Variants in SBK1 observed in about 807,000 individuals in gnomAD.
The protein encoded by SBK1 is serine/threonine-protein kinase SBK1.
In SBK1, 11 loss-of-function variants were observed where a neutral mutation model predicts 24.4. The ratio of observed to expected loss-of-function variants is 0.45; its 90% CI spans 0.28 to 0.75. SBK1 has a LOEUF of 0.75. SBK1 is among the 30% of genes least tolerant of loss of function. SBK1 has a pLI of 0.12. For synonymous variants in SBK1, 308 were observed against 284.4 expected, an observed-to-expected ratio of 1.08 and a Z score of -0.83; for missense variants, 467 against 620.5, an observed-to-expected ratio of 0.75 and a Z score of 2.63.
intron 1 of SBK1, among the ~76,000 whole-genome samples, chr16:28,297,775 T>C (rs1190862821): frequency 1.3e-5 from 2 of 152,176 alleles, no homozygotes; most frequent in African/African-American, 4.8e-5. Context: ...TGACTGAGCC[T>C]CCACAGTTAC....
In SBK1 at chr16:28,320,135, C is replaced by G; in HGVS notation, c.489C>G (p.Asp163Glu). Residue 163 changes from aspartate (D) to glutamate (E), a missense_variant, in exon 4 of 4, where the codon GAC becomes GAG. Physicochemically the swap from Asp to Glu is conservative, Grantham distance 45 (BLOSUM62 2). Around this residue, in one of 4 missense-constraint regions of SBK1, gnomAD observed 92 missense variants for 193.8 expected, o/e 0.47. Coordinates refer to ENST00000341901, the MANE Select transcript of SBK1 (RefSeq NM_001024401.3). The surrounding 1 kb of genome is among the most constrained non-coding windows in gnomAD (Gnocchi z 8.5). ...RCVQQLGLAL[D>E]FMHGRQLVHR... ...TGCAGCAGCTGGGCCTGGCGCTGGA[C>G]TTCATGCACGGGCGGCAGCTGGTGC... 1 of 1,580,212 alleles carries G rather than the reference C, an allele frequency of 6.3e-7. No homozygotes were observed. The highest frequency in any genetic ancestry group is 8.6e-7 in the Non-Finnish European group (1 of 1,168,468).
chr16:28,298,864 G>C (rs915318723), intron 1 of SBK1, among the ~76,000 whole-genome samples: 1 of 152,222 alleles, frequency 6.6e-6, no homozygotes, highest in East Asian at 1.9e-4. Flanking sequence ...TTCTGATCTG[G>C]GCCCAGAGAG....
chr16:28,315,426 G>T (rs2044787981), intron 1 of SBK1, among the ~76,000 whole-genome samples: 1 of 152,098 alleles, frequency 6.6e-6, no homozygotes, highest in African/African-American at 2.4e-5. Context: ...ATAAAGAAAT[G>T]AAGGCCACGG....
At chr16:28,287,244 C>T (rs909588089) in intron 1 of SBK1, among the ~76,000 whole-genome samples, 10 of 148,658 alleles carry the variant, frequency 6.7e-5, no homozygotes, top group Non-Finnish European at 1.2e-4. Context: ...AGTTTGAGAC[C>T]AGCCTGACCA....
intron 1 of SBK1, among the ~76,000 whole-genome samples, chr16:28,303,174 A>G (rs2044691071): frequency 6.6e-6 from 1 of 151,952 alleles, no homozygotes; most frequent in Non-Finnish European, 1.5e-5. Context: ...AGATGGGCCA[A>G]AGGGTAAATG....
At position 28,317,288 on chromosome 16, in the gene SBK1, ATCC is replaced by A. The variant is rs1478414968; in HGVS notation, c.-7-94_-7-92del. 4.5e-6 allele frequency: 4 copies of A among 888,750 alleles called. No individual in the cohort carries two copies. The highest frequency in any genetic ancestry group is 1.7e-5 in the African/African-American group (1 of 60,514). The allele number at this position is 888,750 out of a possible 1,614,324, so 55.1% of individuals were successfully genotyped here. A position where few individuals can be genotyped will look rare whatever the true frequency, so the allele number is the denominator to read the frequency against. On this transcript the variant is annotated intron_variant, in intron 1 of 3. Transcript: ENST00000341901. This position sits in a 1 kb window ranked among gnomAD's most constrained non-coding sequence, Gnocchi z 4.2. ...TATCTTGGGCCTGGCATCCGGGCCC[ATCC>A]TCAAGTTTTCTGGGTTCTGGGGAGG...
At chr16:28,260,305 C>A (rs1353827654) in intron 1 of SBK1, among the ~76,000 whole-genome samples, 1 of 152,152 alleles carries the variant, frequency 6.6e-6, no homozygotes, top group Non-Finnish European at 1.5e-5. Context: ...TTAGCCAGCT[C>A]TCCCCACCCC....
At chr16:28,261,840 G>A (rs1040026778) in intron 1 of SBK1, among the ~76,000 whole-genome samples, 16 of 152,294 alleles carry the variant, frequency 1.1e-4, no homozygotes, top group East Asian at 3.9e-4. Context: ...GTTGGCAGCC[G>A]TGAAATCTGC....
chr16:28,301,622 A>G lies in SBK1; in HGVS notation c.-8+8322A>G, dbSNP rs115737333. On this transcript the variant is annotated intron_variant, in intron 1 of 3. Coordinates refer to ENST00000341901, the MANE Select transcript of SBK1 (RefSeq NM_001024401.3). ...GATCCCTACAGTGCCTTCTGCCTCA[A>G]GTGGGTTCAGGGGTGAGATTCAGCA... Among the ~76,000 whole-genome samples the G allele has an allele frequency of 5.0e-3, 767 of 152,264 alleles. 8 individuals are homozygous for G. Among genetic ancestry groups the G allele is most frequent in the African/African-American group, 0.018 (743 of 41,556 alleles).
intron 1 of SBK1, among the ~76,000 whole-genome samples, chr16:28,269,810 G>A (rs557589020): frequency 3.4e-4 from 52 of 151,930 alleles, no homozygotes; most frequent in African/African-American, 1.2e-3. Flanking sequence ...CGGGAGGTGG[G>A]GGTTGCAGTG....
At chr16:28,272,621 T>G (rs1236876514) in intron 1 of SBK1, among the ~76,000 whole-genome samples, 1 of 129,122 alleles carries the variant, frequency 7.7e-6, no homozygotes, top group African/African-American at 3.2e-5. Context: ...CTTTCTTTCT[T>G]TTTTTTTTTT....
In SBK1 at chr16:28,293,235, C is replaced by A; in HGVS notation, c.-73C>A. ...TCGTGGCGCCCTGAGCCCCCGGGGC[C>A]GGGCAGACGAAGACCGCGACGGCGC... On this transcript the variant is annotated 5_prime_UTR_variant, in exon 1 of 4. Coordinates refer to ENST00000341901, the MANE Select transcript of SBK1 (RefSeq NM_001024401.3). 1.0e-6 allele frequency: 1 copy of A among 985,440 alleles called. No individual in the cohort carries two copies. The highest frequency in any genetic ancestry group is 1.2e-6 in the Non-Finnish European group (1 of 829,936). The allele number at this position is 985,440 out of a possible 1,614,324, so 61.0% of individuals were successfully genotyped here.
chr16:28,311,786 A>T (rs1331793643), intron 1 of SBK1, among the ~76,000 whole-genome samples: 1 of 152,178 alleles, frequency 6.6e-6, no homozygotes, highest in Non-Finnish European at 1.5e-5. Flanking sequence ...CATGGGCTGA[A>T]CCTGACAGTG....
rs1194679118 is a variant in SBK1 at position 28,322,932 on chromosome 16, C to G, written c.*2011C>G. On this transcript the variant is annotated 3_prime_UTR_variant, in exon 4 of 4. Transcript: ENST00000341901. ...TCTCTCGCGCGCGCTCTCTCTCTCCCTCTCTCTCTCTCTCTCTCTCTCTCT... is the reference window on the plus strand; with the variant it reads ...TCTCTCGCGCGCGCTCTCTCTCTCCGTCTCTCTCTCTCTCTCTCTCTCTCT... The G allele has an allele frequency of 0.019, 27 of 1,450 alleles. No homozygotes were observed. The highest frequency in any genetic ancestry group is 0.035 in the African/African-American group (24 of 694). The allele number at this position is 1,450 out of a possible 1,614,324, so 0.1% of individuals were successfully genotyped here.
Position 28,317,186 on chromosome 16 carries a change from G to A in SBK1, c.-7-199G>A, listed in dbSNP as rs934486598. 1.3e-5 allele frequency among the ~76,000 whole-genome samples: 2 copies of A among 152,102 alleles called. No homozygotes were observed. Among genetic ancestry groups the A allele is most frequent in the Admixed American group, 6.5e-5 (1 of 15,276 alleles). Reference sequence around the variant, plus strand: ...CAGGGTCTGGCAGTGACTGGTCTTCGGGGAGCTGACTCAGGCCTGGCCCCT... The same window carrying A: ...CAGGGTCTGGCAGTGACTGGTCTTCAGGGAGCTGACTCAGGCCTGGCCCCT... On this transcript the variant is annotated intron_variant, in intron 1 of 3. Coordinates refer to ENST00000341901, the MANE Select transcript of SBK1 (RefSeq NM_001024401.3). This position sits in a 1 kb window ranked among gnomAD's most constrained non-coding sequence, Gnocchi z 4.2.
In SBK1 at chr16:28,321,047, C is replaced by CTAGGCAGGTA; in HGVS notation, c.*126_*127insTAGGCAGGTA. ...GGGCGCAGCGGTAGACTAGGCAGGA[C>CTAGGCAGGTA]GCGGCCCGGCACCTGGTCCGTCCCC... On this transcript the variant is annotated 3_prime_UTR_variant, in exon 4 of 4. Coordinates refer to ENST00000341901, the MANE Select transcript of SBK1 (RefSeq NM_001024401.3). The CTAGGCAGGTA allele has an allele frequency of 1.1e-6, 1 of 895,088 alleles. No individual in the cohort carries two copies. The highest frequency in any genetic ancestry group is 1.5e-6 in the Non-Finnish European group (1 of 669,122). The allele number at this position is 895,088 out of a possible 1,614,324, so 55.4% of individuals were successfully genotyped here.
At chr16:28,278,283 G>C (rs759224564) in intron 1 of SBK1, among the ~76,000 whole-genome samples, 7 of 152,204 alleles carry the variant, frequency 4.6e-5, no homozygotes, top group Non-Finnish European at 7.3e-5. Flanking sequence ...GAGGTAGGCA[G>C]TGTCTAGGAC....
chr16:28,277,753 G>A (rs1439776364), intron 1 of SBK1, among the ~76,000 whole-genome samples: 1 of 152,230 alleles, frequency 6.6e-6, no homozygotes, highest in Non-Finnish European at 1.5e-5. Context: ...GGTTGTGGGC[G>A]ATCAGAAGAT....
chr16:28,272,853 C>T (rs1308280077), intron 1 of SBK1, among the ~76,000 whole-genome samples: 1 of 151,996 alleles, frequency 6.6e-6, no homozygotes, highest in Non-Finnish European at 1.5e-5. Flanking sequence ...AACTCCTGAC[C>T]TTGTGATCCA....
Sources: gnomAD v4.1 joint callset for allele counts (sites outside exome capture counted in the v4.1 genomes callset) on GRCh38, gnomAD v4.1.1 for gene constraint, gnomAD v4.1.1 regional missense constraint, Gnocchi (gnomAD v3.1) non-coding constraint, MANE v1.5 for transcripts, NCBI Gene and HGNC (gene_info 2026-07-23, HGNC 2026-07-21) for gene names.